MEGF11: variants seen among roughly 807,000 people sequenced by gnomAD.
MEGF11 encodes the protein multiple epidermal growth factor-like domains protein 11.
In MEGF11, 126 loss-of-function variants were observed where a neutral mutation model predicts 146.6. That is an observed-to-expected ratio of 0.86 (90% CI 0.74 to 1.00). The LOEUF (loss-of-function observed/expected upper bound fraction) is 1.00. MEGF11 is among the 50% of genes least tolerant of loss of function. MEGF11 has a pLI of 0.00. For synonymous variants in MEGF11, 532 were observed against 583.4 expected (o/e 0.91, Z 1.27); for missense variants, 1,509 against 1,521.2 (o/e 0.99, Z 0.13).
At chr15:65,981,458 C>A (rs754424475) in intron 6 of MEGF11, among the ~76,000 whole-genome samples, 15 of 152,110 alleles carry the variant, frequency 9.9e-5, no homozygotes, top group Non-Finnish European at 1.8e-4. Context: ...TGGTCTTGGG[C>A]CTTCATCCAA....
intron 5 of MEGF11, among the ~76,000 whole-genome samples, chr15:66,020,988 T>C (rs1173304966): frequency 4.8e-5 from 3 of 63,090 alleles, no homozygotes; most frequent in Non-Finnish European, 8.2e-5. Context: ...CGAAACTCCA[T>C]CTCAAAAAAA....
intron 5 of MEGF11, among the ~76,000 whole-genome samples, chr15:66,013,275 C>G (rs2082767790): frequency 6.6e-6 from 1 of 152,226 alleles, no homozygotes; most frequent in Non-Finnish European, 1.5e-5. Flanking sequence ...TGAGCCAGCC[C>G]TGTCTGCTCT....
At chr15:66,118,604 C>G (rs917717135) in intron 4 of MEGF11, among the ~76,000 whole-genome samples, 5 of 152,184 alleles carry the variant, frequency 3.3e-5, no homozygotes, top group African/African-American at 1.2e-4. Flanking sequence ...TTGCCCCCAT[C>G]CTTTTCTTAC....
intron 23 of MEGF11, among the ~76,000 whole-genome samples, chr15:65,906,398 G>A (rs1200759929): frequency 1.3e-5 from 2 of 152,104 alleles, no homozygotes; most frequent in East Asian, 1.9e-4. Context: ...AGCGACCCCC[G>A]GCATATTCAG....
At chr15:66,176,056 A>T (rs1330265233) in intron 1 of MEGF11, among the ~76,000 whole-genome samples, 4 of 152,228 alleles carry the variant, frequency 2.6e-5, no homozygotes, top group Non-Finnish European at 5.9e-5. Flanking sequence ...CAATAAACAT[A>T]TATAAAAATG....
intron 5 of MEGF11, among the ~76,000 whole-genome samples, chr15:66,007,723 G>A (rs1206932069): frequency 3.9e-5 from 6 of 152,204 alleles, no homozygotes; most frequent in Admixed American, 3.9e-4. Context: ...CTGCACTCCA[G>A]CCTGGGCAAC....
chr15:66,111,421 T>C (rs58192847), intron 4 of MEGF11, among the ~76,000 whole-genome samples: 2,590 of 152,278 alleles, frequency 0.017, 74 homozygotes, highest in African/African-American at 0.058. Flanking sequence ...AGTAAAAATA[T>C]GTTTAAATGC....
chr15:66,221,465 ATT>A (rs1159691785), intron 1 of MEGF11, among the ~76,000 whole-genome samples: 1 of 151,658 alleles, frequency 6.6e-6, no homozygotes, highest in Non-Finnish European at 1.5e-5. Flanking sequence ...ACCTCACATA[ATT>A]TCACAACTGT....
chr15:65,989,877 C>T (rs2081976874), intron 5 of MEGF11, among the ~76,000 whole-genome samples: 1 of 152,210 alleles, frequency 6.6e-6, no homozygotes, highest in Non-Finnish European at 1.5e-5. Context: ...CAAATAATCC[C>T]AGGGACAATT....
At chr15:66,107,644 C>T (rs1164311154) in intron 4 of MEGF11, among the ~76,000 whole-genome samples, 1 of 152,196 alleles carries the variant, frequency 6.6e-6, no homozygotes, top group Non-Finnish European at 1.5e-5. Flanking sequence ...CTTTGGGAAC[C>T]TGAGGTCCTG....
rs970404104 is a variant in MEGF11 at position 66,245,057 on chromosome 15, C to T, written c.-9+8548G>A. The stretch of plus-strand genomic sequence containing the variant: ...AGTTCATGGGAAGGAAAGATCAATG[C>T]TTGGATATCACTGTGGGCTCCAGTA... On this transcript the variant is annotated intron_variant, in intron 1 of 25. Transcript: ENST00000395614. Among the ~76,000 whole-genome samples, 11 of 152,170 alleles carry T rather than the reference C, an allele frequency of 7.2e-5. 1 individual carries two copies. Among genetic ancestry groups the T allele is most frequent in the Admixed American group, 3.3e-4 (5 of 15,288 alleles).
At chr15:66,110,733 T>C (rs2087349890) in intron 4 of MEGF11, among the ~76,000 whole-genome samples, 1 of 152,174 alleles carries the variant, frequency 6.6e-6, no homozygotes, top group Admixed American at 6.5e-5. Flanking sequence ...CAAGACTCCT[T>C]GGGGAGCCTC....
chr15:66,184,085 A>T (rs2090628227), intron 1 of MEGF11, among the ~76,000 whole-genome samples: 1 of 152,168 alleles, frequency 6.6e-6, no homozygotes, highest in African/African-American at 2.4e-5. Flanking sequence ...AGGCTGGGGG[A>T]CAGATGAATT....
intron 1 of MEGF11, among the ~76,000 whole-genome samples, chr15:66,197,141 AGAGT>A (rs1380113991): frequency 6.6e-6 from 1 of 152,254 alleles, no homozygotes; most frequent in Non-Finnish European, 1.5e-5. Context: ...AAATCTGGGC[AGAGT>A]AAGTTCTGAT....
At chr15:66,115,868 C>A (rs73485595) in intron 4 of MEGF11, among the ~76,000 whole-genome samples, 3,167 of 152,296 alleles carry the variant, frequency 0.021, 114 homozygotes, top group African/African-American at 0.072. Flanking sequence ...GAGGCTGGAA[C>A]AGACCCTTCG....
chr15:65,909,182 G>A, intron 22 of MEGF11, 47 bp from the exon 23 acceptor site: 1 of 1,295,096 alleles, frequency 7.7e-7, no homozygotes, highest in Non-Finnish European at 1.1e-6. Context: ...CAGGGCCCTG[G>A]TATAGCAGGG....
At chr15:66,117,300 T>C (rs570051489) in intron 4 of MEGF11, among the ~76,000 whole-genome samples, 1 of 152,214 alleles carries the variant, frequency 6.6e-6, no homozygotes. Context: ...CCTAGAAGTC[T>C]TTCATCCTGA....
intron 5 of MEGF11, among the ~76,000 whole-genome samples, chr15:66,086,948 G>A (rs562339325): frequency 2.4e-4 from 37 of 152,228 alleles, no homozygotes; most frequent in African/African-American, 8.9e-4. Flanking sequence ...TAACACCTAA[G>A]GACTCACATA....
intron 1 of MEGF11, among the ~76,000 whole-genome samples, chr15:66,231,503 T>A (rs1411311862): frequency 1.3e-5 from 2 of 152,034 alleles, no homozygotes; most frequent in Admixed American, 1.3e-4. Flanking sequence ...TCCACAGAGT[T>A]TCATTCTGAA....
Sources: allele counts gnomAD v4.1 joint callset (sites outside exome capture counted in the v4.1 genomes callset), GRCh38; gene constraint gnomAD v4.1.1; transcripts MANE v1.5; gene names NCBI Gene and HGNC (gene_info 2026-07-23, HGNC 2026-07-21).